The following IL2RB variants were observed in gnomAD, a reference collection of about 807,000 sequenced individuals.
IL2RB encodes the protein interleukin-2 receptor subunit beta.
IL2RB carries 17 observed loss-of-function variants against 44.2 expected under a neutral mutation model. The ratio of observed to expected loss-of-function variants is 0.38; its 90% CI spans 0.26 to 0.58. The LOEUF (loss-of-function observed/expected upper bound fraction) is 0.58, where lower values mean the gene tolerates loss of function less well. IL2RB is among the 20% of genes least tolerant of loss of function. IL2RB has a pLI of 0.63. For missense variants in IL2RB, 624 were observed against 685.5 expected (o/e 0.91, Z 1.00); for synonymous variants, 286 against 297.9 (o/e 0.96, Z 0.41).
intron 3 of IL2RB, 115 bp downstream of exon 3, chr22:37,143,406 T>G: frequency 1.5e-6 from 1 of 673,470 alleles, no homozygotes; most frequent in South Asian, 1.9e-5. Context: ...AAAAAGTCTG[T>G]GGGTCCCATT....
chr22:37,152,361 T>C (rs1922524941), upstream of IL2RB, among the ~76,000 whole-genome samples: 1 of 152,270 alleles, frequency 6.6e-6, no homozygotes, highest in South Asian at 2.1e-4. Context: ...TTGATTTCTT[T>C]TTCAGATTGT....
At chr22:37,142,373 CGCA>C in intron 4 of IL2RB, 58 bp downstream of exon 4, 1 of 1,490,280 alleles carries the variant, frequency 6.7e-7, no homozygotes, top group Admixed American at 1.7e-5. Flanking sequence ...ACCCTGAGAT[CGCA>C]GCCCGGAGCT....
Position 37,142,522 on chromosome 22 carries a change from CA to C in IL2RB, c.204-11del. The C allele has an allele frequency of 6.2e-7, 1 of 1,613,848 alleles. No individual in the cohort carries two copies. The highest frequency in any genetic ancestry group is 2.2e-5 in the East Asian group (1 of 44,876). ...GGTTTGGTTCCACCGCCTTTCATGG[CA>C]AAAGACCCTCTTTAGAAGAACAGGA... On this transcript the variant is annotated splice_polypyrimidine_tract_variant and intron_variant, in intron 3 of 9. Transcript: ENST00000216223.
chr22:37,168,685 G>A lies in IL2RB; in HGVS notation c.-34+6273C>T, dbSNP rs1369577418. Among the ~76,000 whole-genome samples, 4 of 152,212 alleles carry A rather than the reference G, an allele frequency of 2.6e-5. 1 individual carries two copies. Among genetic ancestry groups the A allele is most frequent in the African/African-American group, 9.6e-5 (4 of 41,452 alleles). ...GGTTCTTCCTCTTCTCTGGGAGGAT[G>A]GGGATGAGTGTTCCATAGGCCGGAA... On this transcript the variant is annotated intron_variant, in intron 1 of 5. Coordinates refer to the IL2RB transcript ENST00000429622.
chr22:37,150,086 GCACA>G (rs746303210), upstream of IL2RB: 3,798 of 138,332 alleles, frequency 0.027, 135 homozygotes, highest in African/African-American at 0.084. Flanking sequence ...GCTGGGGGCG[GCACA>G]CACACACACA....
intron 5 of IL2RB, 55 bp downstream of exon 5, chr22:37,139,062 G>A (rs956372314): frequency 2.6e-6 from 3 of 1,145,932 alleles, no homozygotes; most frequent in African/African-American, 3.0e-5. Flanking sequence ...CAGAGGAGGT[G>A]GAAGGAAGGA....
In IL2RB at chr22:37,136,411, C is replaced by T. The variant is rs770752637; in HGVS notation, c.538-18G>A. 6.3e-7 allele frequency: 1 copy of T among 1,597,444 alleles called. No individual in the cohort carries two copies. Among genetic ancestry groups the T allele is most frequent in the South Asian group, 1.1e-5 (1 of 88,794 alleles). ...GGGGCCTCCTGGGTCGGAGACAGGA[C>T]TGTCAGCGCCCACCTCACCTCCCAT... On this transcript the variant is annotated intron_variant, in intron 6 of 9. Coordinates refer to ENST00000216223, the MANE Select transcript of IL2RB (RefSeq NM_000878.5).
chr22:37,139,140 T>C lies in IL2RB; in HGVS notation c.365A>G (p.Gln122Arg), dbSNP rs769078456. ...ACGGTTCTCAAAGGGCTTGAAGTCCTGGATGGCCATCACCCTCCATCGCAC... is the reference window on the plus strand; with the variant it reads ...ACGGTTCTCAAAGGGCTTGAAGTCCCGGATGGCCATCACCCTCCATCGCAC... ...EGVRWRVMAI[Q>R]DFKPFENLRL... Residue 122 changes from glutamine (Q) to arginine (R), a missense_variant, in exon 5 of 10, where the codon CAG becomes CGG. Transcript: ENST00000216223. 5.6e-6 allele frequency: 9 copies of C among 1,613,212 alleles called. No individual in the cohort carries two copies. The South Asian group carries it at 8.8e-5, about 16-fold the overall frequency.
At chr22:37,156,015 C>T (rs1431414269) in intron 1 of IL2RB, among the ~76,000 whole-genome samples, 1 of 152,170 alleles carries the variant, frequency 6.6e-6, no homozygotes, top group Non-Finnish European at 1.5e-5. Context: ...GGGGCCAAGC[C>T]AGACTGCATC....
At chr22:37,171,996 G>T (rs1235056851) in intron 1 of IL2RB, among the ~76,000 whole-genome samples, 2 of 152,066 alleles carry the variant, frequency 1.3e-5, no homozygotes, top group African/African-American at 4.8e-5. Flanking sequence ...TTTCCCCTGG[G>T]TTGAGAACCC....
rs140822038 is a variant in IL2RB at position 37,136,328 on chromosome 22, G to T, written c.603C>A (p.Asp201Glu). The change falls in exon 7 of 10, where the codon GAC becomes GAA. Residue 201 changes from aspartate to glutamate, a missense_variant. Around this residue, in one of 3 missense-constraint regions of IL2RB, gnomAD observed 255 missense variants for 339.9 expected, o/e 0.75. Transcript: ENST00000216223. ...EWICLETLTP[D>E]TQYEFQVRVK... ...CCCGCACCTGAAACTCATACTGGGT[G>T]TCTGGGGTGAGCGTCTCCAGGCAGA... The T allele has an allele frequency of 1.7e-5, 28 of 1,613,122 alleles. No homozygotes were observed. The South Asian group carries it at 2.5e-4, about 15-fold the overall frequency.
chr22:37,135,523 C>A (rs1463686322), intron 7 of IL2RB, 81 bp from the exon 8 acceptor site: 2 of 834,186 alleles, frequency 2.4e-6, no homozygotes, highest in Non-Finnish European at 4.0e-6. Flanking sequence ...CCCCAACACC[C>A]CCATCCAGGG....
chr22:37,150,299 A>G (rs1397596827), upstream of IL2RB, among the ~76,000 whole-genome samples: 1 of 151,864 alleles, frequency 6.6e-6, no homozygotes, highest in African/African-American at 2.4e-5. Context: ...GGCTTCACAC[A>G]AGCAGGTCCC....
chr22:37,173,336 G>A (rs1923350248), intron 1 of IL2RB, among the ~76,000 whole-genome samples: 1 of 152,162 alleles, frequency 6.6e-6, no homozygotes, highest in Admixed American at 6.5e-5. Context: ...CATGAGGGCA[G>A]GGACCATGTG....
Position 37,128,454 on chromosome 22 carries a change from C to A in IL2RB, c.1298G>T (p.Ser433Ile), listed in dbSNP as rs772301238. 3 of 1,567,924 alleles carry A rather than the reference C, an allele frequency of 1.9e-6. No individual in the cohort carries two copies. The highest frequency in any genetic ancestry group is 1.4e-5 in the African/African-American group (1 of 73,918). The change falls in exon 10 of 10, where the codon AGT becomes ATT. Residue 433 changes from serine (S) to isoleucine (I), a missense_variant. Ser to Ile is a moderately radical substitution (Grantham distance 142). Coordinates refer to ENST00000216223, the MANE Select transcript of IL2RB (RefSeq NM_000878.5). This position sits in a 1 kb window ranked among gnomAD's most constrained non-coding sequence, Gnocchi z 4.5. ...TGGGGGGCTGGGGCCACCGAGGAGACTGGGGGAGAAGAGCAGCAGGTCATC... is the reference window on the plus strand; with the variant it reads ...TGGGGGGCTGGGGCCACCGAGGAGAATGGGGGAGAAGAGCAGCAGGTCATC... ...SRDDLLLFSP[S>I]LLGGPSPPST...
chr22:37,173,157 G>A (rs760975275), intron 1 of IL2RB, among the ~76,000 whole-genome samples: 8 of 152,184 alleles, frequency 5.3e-5, no homozygotes, highest in Non-Finnish European at 1.0e-4. Flanking sequence ...TCCACCAGCT[G>A]TGCTATGTCT....
chr22:37,160,554 A>G (rs1256045984), intron 1 of IL2RB, among the ~76,000 whole-genome samples: 1 of 152,218 alleles, frequency 6.6e-6, no homozygotes, highest in African/African-American at 2.4e-5. Context: ...TACTACCAGG[A>G]AACTCAATTT....
At chr22:37,136,659 C>T (rs228955) in intron 6 of IL2RB, among the ~76,000 whole-genome samples, 65,577 of 151,696 alleles carry the variant, frequency 0.43, 14,349 homozygotes, top group East Asian at 0.6. Flanking sequence ...CTCTCCCCGC[C>T]GCACTCACCC....
At chr22:37,160,881 C>T (rs1045888728) in intron 1 of IL2RB, among the ~76,000 whole-genome samples, 1 of 151,752 alleles carries the variant, frequency 6.6e-6, no homozygotes, top group African/African-American at 2.4e-5. Flanking sequence ...GTGGCTCACA[C>T]CTGTAATCCC....
Sources: gnomAD v4.1 joint callset for allele counts (sites outside exome capture counted in the v4.1 genomes callset) on GRCh38, gnomAD v4.1.1 for gene constraint, gnomAD v4.1.1 regional missense constraint, Gnocchi (gnomAD v3.1) non-coding constraint, MANE v1.5 for transcripts, NCBI Gene and HGNC (gene_info 2026-07-23, HGNC 2026-07-21) for gene names.